Variants in LRMDA observed in about 807,000 individuals in gnomAD.
The protein encoded by LRMDA is leucine-rich melanocyte differentiation-associated protein.
A neutral mutation model predicts 29.8 loss-of-function variants in LRMDA; 18 were observed. The observed-to-expected ratio is 0.60, with a 90% CI of 0.42 to 0.90. The LOEUF (loss-of-function observed/expected upper bound fraction) is 0.90. Among genes scored for constraint, LRMDA ranks in the 40% least tolerant of loss-of-function variants. The pLI is 0.00. For synonymous variants in LRMDA, 125 were observed against 109.4 expected (o/e 1.14, Z -0.89); for missense variants, 273 against 273.9 (o/e 1.00, Z 0.02).
chr10:75,472,294 T>C (rs1177108660), intron 2 of LRMDA, among the ~76,000 whole-genome samples: 2 of 152,112 alleles, frequency 1.3e-5, no homozygotes, highest in African/African-American at 2.4e-5. Context: ...AACCAGGTAA[T>C]GAAGGAGGCA....
intron 2 of LRMDA, among the ~76,000 whole-genome samples, chr10:75,635,606 T>C (rs1841381723): frequency 6.6e-6 from 1 of 152,022 alleles, no homozygotes; most frequent in Admixed American, 6.6e-5. Context: ...GGGCCCAAAG[T>C]GGAATGTTTC....
At chr10:76,254,662 T>G (rs1270455) in intron 5 of LRMDA, among the ~76,000 whole-genome samples, 1 of 152,148 alleles carries the variant, frequency 6.6e-6, no homozygotes, top group Non-Finnish European at 1.5e-5. Flanking sequence ...CTAAATGCAC[T>G]TCTGCCTGAT....
intron 6 of LRMDA, among the ~76,000 whole-genome samples, chr10:76,390,840 T>C (rs1841715423): frequency 6.6e-6 from 1 of 152,166 alleles, no homozygotes; most frequent in Admixed American, 6.5e-5. Context: ...TCTTGACACA[T>C]GTACTGATGT....
intron 6 of LRMDA, among the ~76,000 whole-genome samples, chr10:76,390,106 A>C (rs1285009387): frequency 6.6e-6 from 1 of 152,196 alleles, no homozygotes; most frequent in African/African-American, 2.4e-5. Context: ...CAATCCTACC[A>C]ACAATGCACA....
chr10:75,556,749 ATTGT>A (rs1245189403), intron 2 of LRMDA, among the ~76,000 whole-genome samples: 1 of 142,768 alleles, frequency 7.0e-6, no homozygotes, highest in Admixed American at 7.0e-5. Flanking sequence ...TGGTTGCATG[ATTGT>A]TTTTTTTTTT....
intron 5 of LRMDA, among the ~76,000 whole-genome samples, chr10:76,084,469 C>G (rs932023247): frequency 6.8e-6 from 1 of 147,114 alleles, no homozygotes; most frequent in African/African-American, 2.5e-5. Context: ...CCCACCTTGG[C>G]CTCCCAAAGT....
intron 2 of LRMDA, among the ~76,000 whole-genome samples, chr10:75,750,681 T>C (rs1842953239): frequency 9.7e-6 from 1 of 103,504 alleles, no homozygotes; most frequent in East Asian, 3.3e-4. Context: ...CCAGACGGGA[T>C]GGCGGCCGGC....
At chr10:76,273,470 C>A (rs934391627) in intron 5 of LRMDA, among the ~76,000 whole-genome samples, 1 of 152,132 alleles carries the variant, frequency 6.6e-6, no homozygotes, top group African/African-American at 2.4e-5. Context: ...TTGTTAAAAT[C>A]ACGTTGCCTT....
chr10:76,198,976 G>A (rs1851379639), intron 5 of LRMDA, among the ~76,000 whole-genome samples: 1 of 152,094 alleles, frequency 6.6e-6, no homozygotes, highest in Non-Finnish European at 1.5e-5. Flanking sequence ...TTATGGCTCT[G>A]TTGTGCTTTT....
In LRMDA at chr10:75,797,541, C is replaced by T. The variant is rs544994969; in HGVS notation, c.132-238467C>T. ...CTTAAAATCCCTTATGTCCATTTGC[C>T]GTCACTCTCTATTCCTACCCCCAAC... On this transcript the variant is annotated intron_variant, in intron 2 of 6. Transcript: ENST00000611255. Among the ~76,000 whole-genome samples, 92 of 152,180 alleles carry T rather than the reference C, an allele frequency of 6.0e-4. 1 individual carries two copies. Among genetic ancestry groups the T allele is most frequent in the African/African-American group, 1.5e-3 (64 of 41,512 alleles).
intron 2 of LRMDA, among the ~76,000 whole-genome samples, chr10:75,756,408 G>C (rs912549980): frequency 7.9e-5 from 12 of 152,310 alleles, no homozygotes; most frequent in South Asian, 6.2e-4. Context: ...TACATGCTAG[G>C]AGTGGTGGAG....
intron 6 of LRMDA, among the ~76,000 whole-genome samples, chr10:76,527,049 CAAAA>C (rs34187065): frequency 5.5e-4 from 58 of 105,502 alleles, no homozygotes; most frequent in African/African-American, 1.6e-3. Flanking sequence ...TCAGGTCTGA[CAAAA>C]AAAAAAAAAA....
At chr10:75,706,051 C>T (rs927911698) in intron 2 of LRMDA, among the ~76,000 whole-genome samples, 3 of 152,298 alleles carry the variant, frequency 2.0e-5, no homozygotes, top group Admixed American at 1.3e-4. Context: ...GGTAAAATGA[C>T]AGCCAAGTGT....
intron 2 of LRMDA, among the ~76,000 whole-genome samples, chr10:75,568,222 T>C (rs577304483): frequency 2.2e-4 from 33 of 152,352 alleles, no homozygotes; most frequent in Middle Eastern, 3.4e-3. Flanking sequence ...TGTCTTATTA[T>C]AGTTTCTCTG....
At chr10:76,213,755 G>T (rs768314498) in intron 5 of LRMDA, among the ~76,000 whole-genome samples, 3 of 152,208 alleles carry the variant, frequency 2.0e-5, no homozygotes, top group Non-Finnish European at 2.9e-5. Flanking sequence ...CCAGGAGGTT[G>T]CCAAGAAAAA....
intron 2 of LRMDA, among the ~76,000 whole-genome samples, chr10:75,554,284 A>C (rs549612291): frequency 6.6e-6 from 1 of 152,276 alleles, no homozygotes; most frequent in South Asian, 2.1e-4. Context: ...CAGTGTGTCC[A>C]GGGTGATCAG....
rs554720752 is a variant in LRMDA, at chr10:76,325,011, A to G, written c.601+526A>G. ...TTACTCAGTTTTTCCAAAGCCTTGC[A>G]TGTCTGTTGCCATCTCTAGAGTCTT... On this transcript the variant is annotated intron_variant, in intron 6 of 6. Transcript: ENST00000611255. 3.9e-5 allele frequency among the ~76,000 whole-genome samples: 6 copies of G among 152,356 alleles called. 1 individual carries two copies. Among genetic ancestry groups the G allele is most frequent in the African/African-American group, 1.4e-4 (6 of 41,584 alleles).
intron 2 of LRMDA, among the ~76,000 whole-genome samples, chr10:75,547,837 A>G (rs1396147622): frequency 1.3e-5 from 2 of 152,142 alleles, no homozygotes; most frequent in African/African-American, 4.8e-5. Flanking sequence ...TGTGATCACA[A>G]TTGTGATTTA....
At chr10:75,611,937 C>T (rs931558554) in intron 2 of LRMDA, among the ~76,000 whole-genome samples, 1 of 152,198 alleles carries the variant, frequency 6.6e-6, no homozygotes, top group East Asian at 1.9e-4. Context: ...CCTGTTGATA[C>T]TTTTTTGGTC....
Sources: gnomAD v4.1 joint callset for allele counts (sites outside exome capture counted in the v4.1 genomes callset) on GRCh38, gnomAD v4.1.1 for gene constraint, MANE v1.5 for transcripts, NCBI Gene and HGNC (gene_info 2026-07-23, HGNC 2026-07-21) for gene names.